Variants in FAM161B observed in about 807,000 individuals in gnomAD.
FAM161B encodes FAM161 centrosomal protein B, also known as protein FAM161B.
In FAM161B, 46 loss-of-function variants were observed where a neutral mutation model predicts 61.5. The ratio of observed to expected loss-of-function variants is 0.75; its 90% CI spans 0.59 to 0.96. The LOEUF (loss-of-function observed/expected upper bound fraction) is 0.96. Ranked by LOEUF, FAM161B falls within the 40% of genes least tolerant of loss-of-function variation. The probability of loss-of-function intolerance (pLI) is 0.00; values close to 1 mark genes in which losing one functional copy is unlikely to be tolerated. For missense variants in FAM161B, 774 were observed against 800.7 expected (o/e 0.97, Z 0.40); for synonymous variants, 284 against 302.7 (o/e 0.94, Z 0.64).
intron 5 of FAM161B, 102 bp downstream of exon 5, chr14:73,940,824 T>G: frequency 2.7e-6 from 4 of 1,474,890 alleles, no homozygotes; most frequent in Non-Finnish European, 3.6e-6. Flanking sequence ...TTTGACCCCT[T>G]GAGGTATCTC....
chr14:73,944,519 C>T lies in FAM161B; in HGVS notation c.741G>A (p.Lys247=). 1.2e-6 allele frequency: 2 copies of T among 1,614,160 alleles called. No homozygotes were observed. Among genetic ancestry groups the T allele is most frequent in the South Asian group, 2.2e-5 (2 of 91,086 alleles). ...AAGAAGAGAGGAGCAGTTCCTTCCTCTTCTGGATCCCTGCCTGCCTTCGGG... is the reference window on the plus strand; with the variant it reads ...AAGAAGAGAGGAGCAGTTCCTTCCTTTTCTGGATCCCTGCCTGCCTTCGGG... ...SEARRQAGIQ[K]RKELLLSSLK... is the part of the protein sequence containing the mutation. The change falls in exon 3 of 9, where the codon AAG becomes AAA. Residue 247 remains lysine (K), a synonymous_variant. Transcript: ENST00000286544.
chr14:73,940,678 C>T (rs1370364480), intron 5 of FAM161B, among the ~76,000 whole-genome samples: 1 of 152,158 alleles, frequency 6.6e-6, no homozygotes, highest in African/African-American at 2.4e-5. Context: ...TGGAGGTTCC[C>T]TAAGATCTCC....
At chr14:73,938,801 T>A (rs906749730) in intron 5 of FAM161B, among the ~76,000 whole-genome samples, 1 of 152,020 alleles carries the variant, frequency 6.6e-6, no homozygotes, top group Admixed American at 6.6e-5. Flanking sequence ...ATAAATAAAA[T>A]AAAGCAATCT....
chr14:73,932,528 T>C lies in FAM161B; in HGVS notation c.*1728A>G, dbSNP rs552268260. 23 of 442,500 alleles carry C rather than the reference T, an allele frequency of 5.2e-5. No individual in the cohort carries two copies. The highest frequency in any genetic ancestry group is 1.1e-4 in the Admixed American group (4 of 37,910). The allele number at this position is 442,500 out of a possible 1,614,324, so 27.4% of individuals were successfully genotyped here. On this transcript the variant is annotated 3_prime_UTR_variant, in exon 9 of 9. Coordinates refer to ENST00000286544, the MANE Select transcript of FAM161B (RefSeq NM_152445.3). Reference sequence around the variant, plus strand: ...ATACTTCTGAATTTTTCCACAAAGATAGTTTTTTTAAAAAAGCTTGAGAAA... The same window carrying C: ...ATACTTCTGAATTTTTCCACAAAGACAGTTTTTTTAAAAAAGCTTGAGAAA...
chr14:73,931,847 T>G (rs1475647724), downstream of FAM161B: 1 of 439,992 alleles, frequency 2.3e-6, no homozygotes, highest in African/African-American at 2.0e-5. Context: ...GCTGAAGTTC[T>G]TCATTCTGAC....
In FAM161B at chr14:73,946,334, T is replaced by C. The variant is rs150856840; in HGVS notation, c.326A>G (p.Gln109Arg). The change falls in exon 2 of 9, where the codon CAA (glutamine) becomes CGA (arginine). Residue 109 changes from glutamine (Q) to arginine (R), a missense_variant. Physicochemically the swap from Gln to Arg is conservative, Grantham distance 43. Transcript: ENST00000286544. ...CTGCACCATCCCCCTGTCCTTGTCT[T>C]GGAAGAAACTCTCCAGGTCCTCCTC... Reference protein sequence around the residue: ...EDEEDLESFFQDKDRGMVQVQ... With the variant: ...EDEEDLESFFRDKDRGMVQVQ... The C allele has an allele frequency of 2.6e-4, 415 of 1,614,150 alleles. 1 individual carries two copies. The highest frequency in any genetic ancestry group is 1.7e-4 in the Middle Eastern group (1 of 6,056).
Position 73,942,529 on chromosome 14 carries a change from A to T in FAM161B, c.1112T>A (p.Val371Glu). 2 of 1,614,220 alleles carry T rather than the reference A, an allele frequency of 1.2e-6. No individual in the cohort carries two copies. Among genetic ancestry groups the T allele is most frequent in the Non-Finnish European group, 1.7e-6 (2 of 1,180,038 alleles). The change falls in exon 4 of 9, where the codon GTG (valine) becomes GAG (glutamate). Residue 371 changes from valine (V) to glutamate (E), a missense_variant. Physicochemically the swap from Val to Glu is moderately radical, Grantham distance 121. Coordinates refer to ENST00000286544, the MANE Select transcript of FAM161B (RefSeq NM_152445.3). Reference protein sequence around the residue: ...NFRFQPRVNPVVPDYEGLYKA... With the variant: ...NFRFQPRVNPEVPDYEGLYKA... ...GTAAAGGCCCTCATAGTCAGGGACCACAGGATTCACCCGAGGCTGGAATCT... is the reference window on the plus strand; with the variant it reads ...GTAAAGGCCCTCATAGTCAGGGACCTCAGGATTCACCCGAGGCTGGAATCT...
chr14:73,947,508 A>G (rs529504585), intron 1 of FAM161B, among the ~76,000 whole-genome samples: 1 of 152,282 alleles, frequency 6.6e-6, no homozygotes, highest in South Asian at 2.1e-4. Context: ...TTCATTCATA[A>G]AATATTTACT....
rs371748072 is a variant in FAM161B, at chr14:73,944,714, G to C, written c.546C>G (p.Ala182=). 2.5e-6 allele frequency: 4 copies of C among 1,604,814 alleles called. No individual in the cohort carries two copies. Among genetic ancestry groups the C allele is most frequent in the South Asian group, 2.2e-5 (2 of 90,548 alleles). ...AGCCCAGCCACTCGGCCTTCTTCCG[G>C]GCCTCGCGCAGCGTCATGCGGAATG... is the stretch of plus-strand genomic sequence containing the variant. ...PRPFRMTLRE[A]RKKAEWLGSP... Residue 182 remains alanine (A), a synonymous_variant, in exon 3 of 9, where the codon GCC becomes GCG. Coordinates refer to ENST00000286544, the MANE Select transcript of FAM161B (RefSeq NM_152445.3).
intron 1 of FAM161B, among the ~76,000 whole-genome samples, chr14:73,947,899 A>C (rs1415756223): frequency 6.7e-6 from 1 of 149,584 alleles, no homozygotes; most frequent in Admixed American, 6.8e-5. Context: ...AAGTGGGGAC[A>C]ATTTAGTTAA....
At chr14:73,944,274 T>C (rs2056044089) in intron 3 of FAM161B, 61 bp downstream of exon 3, 22 of 1,523,098 alleles carry the variant, frequency 1.4e-5, no homozygotes, top group Non-Finnish European at 1.8e-5. Flanking sequence ...CCTGACTAAA[T>C]CCCTATGGTG....
At chr14:73,946,846 G>A (rs567709341) in intron 1 of FAM161B, among the ~76,000 whole-genome samples, 1 of 152,104 alleles carries the variant, frequency 6.6e-6, no homozygotes, top group African/African-American at 2.4e-5. Flanking sequence ...CTTGGTTGAA[G>A]GGATGGAGAG....
At chr14:73,926,258 C>CT in the FAM161B span, among the ~76,000 whole-genome samples, 1 of 152,016 alleles carries the variant, frequency 6.6e-6, no homozygotes, top group Non-Finnish European at 1.5e-5. Flanking sequence ...CTCTAATAGT[C>CT]TATGTTCTTT....
the FAM161B span, chr14:73,923,369 T>G: frequency 6.2e-7 from 1 of 1,606,978 alleles, no homozygotes; most frequent in South Asian, 1.1e-5. Context: ...CACTTTTCAT[T>G]GAAACATTTT....
Position 73,946,310 on chromosome 14 carries a change from T to C in FAM161B, c.350A>G (p.Gln117Arg), listed in dbSNP as rs894349075. The change falls in exon 2 of 9, where the codon CAG (glutamine) becomes CGG (arginine). Residue 117 changes from glutamine (Q) to arginine (R), a missense_variant. Transcript: ENST00000286544. ...FFQDKDRGMVQVQCPQALRCG... is the reference protein window; with the variant it reads ...FFQDKDRGMVRVQCPQALRCG... ...CCTCAGAGCCTGCGGGCACTGGACC[T>C]GCACCATCCCCCTGTCCTTGTCTTG... is the stretch of plus-strand genomic sequence containing the variant. 3.1e-6 allele frequency: 5 copies of C among 1,614,078 alleles called. No individual in the cohort carries two copies. The highest frequency in any genetic ancestry group is 4.2e-6 in the Non-Finnish European group (5 of 1,179,974).
chr14:73,930,072 C>T (rs546888492), downstream of FAM161B, among the ~76,000 whole-genome samples: 46 of 152,240 alleles, frequency 3.0e-4, no homozygotes, highest in African/African-American at 1.1e-3. Flanking sequence ...AAGAGATTCC[C>T]AGCTAGTTTT....
intron 5 of FAM161B, among the ~76,000 whole-genome samples, chr14:73,938,826 G>A (rs1235084087): frequency 6.6e-6 from 1 of 152,074 alleles, no homozygotes; most frequent in Non-Finnish European, 1.5e-5. Context: ...AACCTTTTCT[G>A]GAAAGTAAGT....
chr14:73,928,445 A>AT (rs1211590740), downstream of FAM161B, among the ~76,000 whole-genome samples: 15 of 152,238 alleles, frequency 9.9e-5, no homozygotes, highest in African/African-American at 1.7e-4. Flanking sequence ...ACAAGGCATG[A>AT]TTTTATCCTG....
At chr14:73,938,973 C>T (rs1215410412) in intron 5 of FAM161B, among the ~76,000 whole-genome samples, 1 of 151,978 alleles carries the variant, frequency 6.6e-6, no homozygotes, top group Non-Finnish European at 1.5e-5. Flanking sequence ...CCTAGAAGTG[C>T]ATTTACTGAA....
Sources: gnomAD v4.1 joint callset for allele counts (sites outside exome capture counted in the v4.1 genomes callset) on GRCh38, gnomAD v4.1.1 for gene constraint, MANE v1.5 for transcripts, NCBI Gene and HGNC (gene_info 2026-07-23, HGNC 2026-07-21) for gene names.